Variants in ZFP28 observed in about 807,000 individuals in gnomAD.
The protein encoded by ZFP28 is zinc finger protein 28 homolog.
A neutral mutation model predicts 39.5 loss-of-function variants in ZFP28; 31 were observed. The ratio of observed to expected loss-of-function variants is 0.79; its 90% confidence interval spans 0.59 to 1.06. The LOEUF (loss-of-function observed/expected upper bound fraction) is 1.06. ZFP28 is among the 50% of genes least tolerant of loss of function. ZFP28 has a pLI of 0.00. For missense variants in ZFP28, 925 were observed against 1,048.4 expected (o/e 0.88, Z 1.63); for synonymous variants, 400 against 378.6 (o/e 1.06, Z -0.66).
In ZFP28 at chr19:56,554,535, T is replaced by G; in HGVS notation, c.1750T>G (p.Ser584Ala). Residue 584 changes from serine to alanine, a missense_variant, in exon 8 of 8, where the codon TCT becomes GCT. By Grantham distance (99) the Ser-to-Ala change is moderately conservative. This residue lies in a region of ZFP28 where 369 missense variants were observed against 505.5 expected (regional missense o/e 0.73). Transcript: ENST00000301318. The surrounding 1 kb of genome is among the most constrained non-coding windows in gnomAD (Gnocchi z 6.7). The stretch of plus-strand genomic sequence containing the variant: ...ACTCACTCAACATCAAAGAGTACAT[T>G]CTGGAGAAAAGCCTTTTAAGTGTAA... The part of the protein sequence containing the change: ...ASLTQHQRVH[S>A]GEKPFKCKEC... 6.2e-7 allele frequency: 1 copy of G among 1,614,140 alleles called. No homozygotes were observed. The highest frequency in any genetic ancestry group is 2.2e-5 in the East Asian group (1 of 44,876).
intron 7 of ZFP28, chr19:56,551,867 A>G (rs1302764083): frequency 2.0e-6 from 2 of 982,558 alleles, no homozygotes; most frequent in African/African-American, 1.7e-5. Flanking sequence ...AGTGACTGCT[A>G]TGTATATAAG....
At chr19:56,548,217 C>A (rs1302181357) in intron 4 of ZFP28, among the ~76,000 whole-genome samples, 1 of 152,180 alleles carries the variant, frequency 6.6e-6, no homozygotes, top group Non-Finnish European at 1.5e-5. Flanking sequence ...CTTGCATTGA[C>A]AACAGGACAA....
At chr19:56,544,961 C>T (rs2044227390) in intron 2 of ZFP28, among the ~76,000 whole-genome samples, 1 of 152,200 alleles carries the variant, frequency 6.6e-6, no homozygotes, top group Non-Finnish European at 1.5e-5. Context: ...AAAAGCAGAT[C>T]ACTAATGCAT....
chr19:56,550,894 G>A, intron 7 of ZFP28: 1 of 1,433,200 alleles, frequency 7.0e-7, no homozygotes, highest in Non-Finnish European at 9.1e-7. Flanking sequence ...GCACTTTTGA[G>A]CTGACTTCCA....
intron 2 of ZFP28, among the ~76,000 whole-genome samples, chr19:56,543,054 T>C (rs1297709373): frequency 6.6e-6 from 1 of 152,164 alleles, no homozygotes; most frequent in Non-Finnish European, 1.5e-5. Flanking sequence ...CAGTGGTGCC[T>C]CAAAAGCTAG....
intron 2 of ZFP28, among the ~76,000 whole-genome samples, chr19:56,544,090 G>A (rs1284680745): frequency 6.6e-6 from 1 of 152,230 alleles, no homozygotes; most frequent in Non-Finnish European, 1.5e-5. Flanking sequence ...TATAGTGCCT[G>A]GATTGAGGTA....
chr19:56,550,664 C>A, intron 7 of ZFP28, 59 bp downstream of exon 7: 3 of 1,609,162 alleles, frequency 1.9e-6, no homozygotes, highest in Non-Finnish European at 2.6e-6. Flanking sequence ...GAGCTTTTAC[C>A]AAAAAGGCTG....
At position 56,554,729 on chromosome 19, in the gene ZFP28, G is replaced by A; in HGVS notation, c.1944G>A (p.Lys648=). ...IHTGEKPYEC[K]VCSKAFTQKA... ...CTGGAGAGAAGCCCTATGAATGTAA[G>A]GTTTGTAGTAAAGCGTTCACCCAGA... The change falls in exon 8 of 8, where the codon AAG becomes AAA. Residue 648 remains lysine, a synonymous_variant. Transcript: ENST00000301318. This position sits in a 1 kb window ranked among gnomAD's most constrained non-coding sequence, Gnocchi z 6.7. 6.2e-7 allele frequency: 1 copy of A among 1,614,140 alleles called. No homozygotes were observed. The highest frequency in any genetic ancestry group is 8.5e-7 in the Non-Finnish European group (1 of 1,180,024).
chr19:56,551,573 G>C (rs897185858), intron 7 of ZFP28: 30 of 984,976 alleles, frequency 3.0e-5, no homozygotes, highest in Non-Finnish European at 3.6e-5. Flanking sequence ...GGGGATTGCT[G>C]TATTCCTGGA....
rs1319866599 is a variant in ZFP28 at position 56,553,889 on chromosome 19, C to G, written c.1104C>G (p.Leu368=). The part of the protein sequence containing the change: ...RQEPITHNKT[L]SKERERTYNK... The stretch of plus-strand genomic sequence containing the variant: ...AGCCAATTACTCATAACAAAACCCT[C>G]TCTAAGGAAAGAGAACGTACATATA... Residue 368 remains leucine (L), a synonymous_variant, in exon 8 of 8, where the codon CTC becomes CTG. Coordinates refer to ENST00000301318, the MANE Select transcript of ZFP28 (RefSeq NM_020828.2). The G allele has an allele frequency of 1.8e-5, 29 of 1,614,126 alleles. No homozygotes were observed. The highest frequency in any genetic ancestry group is 1.3e-4 in the South Asian group (12 of 91,066).
chr19:56,540,161 G>A (rs1180426619), intron 2 of ZFP28, among the ~76,000 whole-genome samples: 2 of 152,244 alleles, frequency 1.3e-5, no homozygotes, highest in Non-Finnish European at 2.9e-5. Context: ...ATTCTAGAAT[G>A]TGATCATCCT....
intron 2 of ZFP28, among the ~76,000 whole-genome samples, chr19:56,540,569 T>C (rs1316590052): frequency 6.6e-6 from 1 of 152,232 alleles, no homozygotes; most frequent in Non-Finnish European, 1.5e-5. Flanking sequence ...CATTACCAGA[T>C]GCAGTGCTCA....
In ZFP28 at chr19:56,556,165, T is replaced by C. The variant is rs1427023689; in HGVS notation, c.*773T>C. 6.6e-6 allele frequency: 1 copy of C among 152,176 alleles called. No homozygotes were observed. The highest frequency in any genetic ancestry group is 2.4e-5 in the African/African-American group (1 of 41,448). 9.4% of individuals were successfully genotyped at this position (152,176 alleles called of 1,614,324 possible). On this transcript the variant is annotated 3_prime_UTR_variant, in exon 8 of 8. Transcript: ENST00000301318. ...CTGACTGTTTTTGTATGGTCCATGA[T>C]CTAGAATTTAAAAAAATTTTAAAGG...
chr19:56,539,332 G>C, intron 1 of ZFP28, 106 bp downstream of exon 1: 1 of 1,201,136 alleles, frequency 8.3e-7, no homozygotes, highest in East Asian at 2.6e-5. Flanking sequence ...GGAGAACTGT[G>C]CCCCTGGTCT....
At chr19:56,550,709 A>T in intron 7 of ZFP28, 104 bp downstream of exon 7, 1 of 1,583,480 alleles carries the variant, frequency 6.3e-7, no homozygotes, top group Non-Finnish European at 8.6e-7. Flanking sequence ...AACTTTACCC[A>T]GGGTCTCTGG....
At chr19:56,549,448 C>T (rs1050731339) in intron 5 of ZFP28, among the ~76,000 whole-genome samples, 8 of 152,034 alleles carry the variant, frequency 5.3e-5, no homozygotes, top group Admixed American at 3.3e-4. Flanking sequence ...GAGGCCGAGG[C>T]GGGTGGATCA....
intron 2 of ZFP28, among the ~76,000 whole-genome samples, chr19:56,542,014 A>G (rs2044200031): frequency 6.7e-6 from 1 of 149,098 alleles, no homozygotes; most frequent in South Asian, 2.1e-4. Flanking sequence ...GCCATGAGCC[A>G]CTGTGCCTGG....
rs769808512 is a variant in ZFP28, at chr19:56,547,817, T to G, written c.438T>G (p.Val146=). The change falls in exon 4 of 8, where the codon GTT becomes GTG. Residue 146 remains valine (V), a synonymous_variant. Transcript: ENST00000301318. This position sits in a 1 kb window ranked among gnomAD's most constrained non-coding sequence, Gnocchi z 4.6. ...YRNLASLGLC[V]SKPDVISSLE... Reference sequence around the variant, plus strand: ...TTTTTATGTGTCTAGGACTTTGTGTTTCTAAGCCCGATGTGATCTCCTCGT... The same window carrying G: ...TTTTTATGTGTCTAGGACTTTGTGTGTCTAAGCCCGATGTGATCTCCTCGT... 3.1e-6 allele frequency: 5 copies of G among 1,614,136 alleles called. No homozygotes were observed. The highest frequency in any genetic ancestry group is 2.2e-5 in the East Asian group (1 of 44,866).
Position 56,553,974 on chromosome 19 carries a change from T to C in ZFP28, c.1189T>C (p.Ser397Pro), listed in dbSNP as rs2044327247. ...AGAAGAGAAAGTTCATAATCGTGATTCAATTAAAAATTTTCAAAAAAGTTC... is the reference window on the plus strand; with the variant it reads ...AGAAGAGAAAGTTCATAATCGTGATCCAATTAAAAATTTTCAAAAAAGTTC... ...DSEEKVHNRD[S>P]IKNFQKSSVV... Residue 397 changes from serine (S) to proline (P), a missense_variant, in exon 8 of 8, where the codon TCA (serine) becomes CCA (proline). Coordinates refer to ENST00000301318, the MANE Select transcript of ZFP28 (RefSeq NM_020828.2). The C allele has an allele frequency of 6.2e-7, 1 of 1,611,414 alleles. No homozygotes were observed. Among genetic ancestry groups the C allele is most frequent in the Admixed American group, 1.7e-5 (1 of 59,340 alleles).
Sources: allele counts gnomAD v4.1 joint callset (sites outside exome capture counted in the v4.1 genomes callset), GRCh38; gene constraint gnomAD v4.1.1; regional missense constraint gnomAD v4.1.1; non-coding constraint Gnocchi (gnomAD v3.1); transcripts MANE v1.5; gene names NCBI Gene and HGNC (gene_info 2026-07-23, HGNC 2026-07-21).